DTNB: variants seen among roughly 807,000 people sequenced by gnomAD.
DTNB encodes DTN-B.
DTNB carries 63 observed loss-of-function variants against 90.7 expected under a neutral mutation model. That is an observed-to-expected ratio of 0.69 (90% CI 0.57 to 0.86). The LOEUF (loss-of-function observed/expected upper bound fraction) is 0.86. DTNB is among the 40% of genes least tolerant of loss of function. The pLI is 0.00. For synonymous variants in DTNB, 277 were observed against 286.7 expected, an observed-to-expected ratio of 0.97 and a Z score of 0.34; for missense variants, 744 against 807.1, an observed-to-expected ratio of 0.92 and a Z score of 0.95.
intron 12 of DTNB, among the ~76,000 whole-genome samples, chr2:25,447,271 T>C (rs1295332985): frequency 6.6e-6 from 1 of 152,210 alleles, no homozygotes; most frequent in East Asian, 1.9e-4. Context: ...TAGGTCTCAA[T>C]TGAGAATGTA....
At chr2:25,421,692 T>C (rs940993382) in intron 15 of DTNB, among the ~76,000 whole-genome samples, 3 of 152,226 alleles carry the variant, frequency 2.0e-5, no homozygotes, top group Admixed American at 6.5e-5. Context: ...AAGACCAGTA[T>C]GTAATTTCTT....
intron 1 of DTNB, among the ~76,000 whole-genome samples, chr2:25,667,623 TA>T (rs1330429546): frequency 6.6e-6 from 1 of 152,204 alleles, no homozygotes; most frequent in Non-Finnish European, 1.5e-5. Context: ...ATACTTATTA[TA>T]TAAGTACATT....
At chr2:25,389,878 G>A (rs1316060805) in intron 16 of DTNB, among the ~76,000 whole-genome samples, 1 of 150,562 alleles carries the variant, frequency 6.6e-6, no homozygotes, top group African/African-American at 2.5e-5. Flanking sequence ...GTGTGTGTGT[G>A]TGTGTATGTG....
chr2:25,487,315 A>G (rs1192231619), intron 9 of DTNB, among the ~76,000 whole-genome samples: 2 of 152,248 alleles, frequency 1.3e-5, no homozygotes, highest in Non-Finnish European at 2.9e-5. Flanking sequence ...AGTTCCAAAA[A>G]GTAAAACTTG....
intron 9 of DTNB, among the ~76,000 whole-genome samples, chr2:25,493,708 GCAAA>G (rs1222653800): frequency 6.6e-6 from 1 of 152,158 alleles, no homozygotes; most frequent in Admixed American, 6.5e-5. Flanking sequence ...GCCATAGTAT[GCAAA>G]CAAACAAAAA....
intron 16 of DTNB, among the ~76,000 whole-genome samples, chr2:25,395,302 C>T (rs1050795292): frequency 6.6e-6 from 1 of 151,908 alleles, no homozygotes; most frequent in African/African-American, 2.4e-5. Flanking sequence ...GATGGGTACA[C>T]CAAAATCTCA....
At chr2:25,510,200 A>T (rs906296385) in intron 9 of DTNB, among the ~76,000 whole-genome samples, 13 of 151,276 alleles carry the variant, frequency 8.6e-5, no homozygotes, top group African/African-American at 2.9e-4. Context: ...CTAATCTGAT[A>T]TTTACCTTAT....
chr2:25,440,948 C>T (rs2057235862), intron 12 of DTNB, among the ~76,000 whole-genome samples: 1 of 152,156 alleles, frequency 6.6e-6, no homozygotes, highest in Non-Finnish European at 1.5e-5. Flanking sequence ...CCAAGTCATT[C>T]ACCTACAGGC....
At chr2:25,433,858 C>A in intron 13 of DTNB, 52 bp downstream of exon 13, 4 of 1,588,734 alleles carry the variant, frequency 2.5e-6, no homozygotes, top group Non-Finnish European at 3.4e-6. Context: ...GAATCAGATA[C>A]GCACGTGATA....
chr2:25,419,678 A>G, intron 15 of DTNB, 143 bp from the exon 16 acceptor site: 1 of 1,061,258 alleles, frequency 9.4e-7, no homozygotes, highest in Non-Finnish European at 1.3e-6. Flanking sequence ...CTGAGATCAA[A>G]GGCCCCATCC....
At chr2:25,402,290 A>G (rs539873287) in intron 16 of DTNB, among the ~76,000 whole-genome samples, 32 of 152,160 alleles carry the variant, frequency 2.1e-4, no homozygotes, top group Non-Finnish European at 3.4e-4. Context: ...AGGACTGGCA[A>G]TGGAAGTGCT....
intron 10 of DTNB, among the ~76,000 whole-genome samples, chr2:25,478,386 G>A (rs1466184127): frequency 3.3e-5 from 5 of 152,210 alleles, no homozygotes; most frequent in African/African-American, 9.7e-5. Context: ...ATGTGAAGAA[G>A]GAAAATTCTG....
intron 1 of DTNB, among the ~76,000 whole-genome samples, chr2:25,668,506 T>C (rs1197907977): frequency 6.6e-6 from 1 of 152,258 alleles, no homozygotes; most frequent in African/African-American, 2.4e-5. Flanking sequence ...TACATGACAT[T>C]ACGCACTTGT....
At chr2:25,588,429 G>A (rs2062869909) in intron 6 of DTNB, among the ~76,000 whole-genome samples, 1 of 150,950 alleles carries the variant, frequency 6.6e-6, no homozygotes, top group African/African-American at 2.4e-5. Context: ...GCAGTGGCAT[G>A]ATCTCGGCTC....
At chr2:25,573,216 G>C (rs1235359746) in intron 8 of DTNB, among the ~76,000 whole-genome samples, 1 of 151,926 alleles carries the variant, frequency 6.6e-6, no homozygotes, top group African/African-American at 2.4e-5. Flanking sequence ...AAACTGCTCG[G>C]ATTACAGGAG....
At chr2:25,384,491 G>C (rs2038900634) in intron 18 of DTNB, among the ~76,000 whole-genome samples, 1 of 152,150 alleles carries the variant, frequency 6.6e-6, no homozygotes, top group Non-Finnish European at 1.5e-5. Context: ...TGGGCCCTGG[G>C]CATGTACTTT....
intron 8 of DTNB, among the ~76,000 whole-genome samples, chr2:25,535,319 G>C (rs1311393175): frequency 7.1e-6 from 1 of 140,282 alleles, no homozygotes; most frequent in Non-Finnish European, 1.5e-5. Flanking sequence ...CCAGGCAGAG[G>C]TGCTCCTCAC....
At chr2:25,658,312 T>C (rs71439187) in intron 1 of DTNB, among the ~76,000 whole-genome samples, 41 of 151,338 alleles carry the variant, frequency 2.7e-4, no homozygotes, top group Non-Finnish European at 4.9e-4. Flanking sequence ...CAGCAGGAAC[T>C]CTCATCATTG....
chr2:25,638,020 T>G (rs563044608), intron 3 of DTNB, among the ~76,000 whole-genome samples: 1 of 152,310 alleles, frequency 6.6e-6, no homozygotes, highest in East Asian at 1.9e-4. Flanking sequence ...CATGGAATAC[T>G]ATGCAGCCAT....
Sources: allele counts gnomAD v4.1 joint callset (sites outside exome capture counted in the v4.1 genomes callset), GRCh38; gene constraint gnomAD v4.1.1; transcripts MANE v1.5; gene names NCBI Gene and HGNC (gene_info 2026-07-23, HGNC 2026-07-21).